MN1: variants seen among roughly 807,000 people sequenced by gnomAD.
MN1 encodes the protein transcriptional activator MN1.
In MN1, 19 loss-of-function variants were observed where a neutral mutation model predicts 86.9. That is an observed-to-expected ratio of 0.22 (90% CI 0.15 to 0.32). The LOEUF (loss-of-function observed/expected upper bound fraction) is 0.32, where lower values mean the gene tolerates loss of function less well. Ranked by LOEUF, MN1 falls within the 10% of genes least tolerant of loss-of-function variation. The probability of loss-of-function intolerance (pLI) is 1.00; values close to 1 mark genes in which losing one functional copy is unlikely to be tolerated. For missense variants in MN1, 1,841 were observed against 1,862.0 expected (o/e 0.99, Z 0.21); for synonymous variants, 928 against 849.6 (o/e 1.09, Z -1.60).
rs1040269791 is a variant in MN1 at position 27,750,601 on chromosome 22, C to T, written c.*314G>A. ...TCTAAAAAATGTATGCCAAGATTAC[C>T]GAAACATGGGGAGTATCTAGAGGAA... On this transcript the variant is annotated 3_prime_UTR_variant, in exon 2 of 2. Transcript: ENST00000302326. The T allele has an allele frequency of 5.6e-5, 15 of 269,188 alleles. No homozygotes were observed. Among genetic ancestry groups the T allele is most frequent in the East Asian group, 4.4e-4 (8 of 18,238 alleles). 16.7% of individuals were successfully genotyped at this position (269,188 alleles called of 1,614,324 possible). A position where few individuals can be genotyped will look rare whatever the true frequency, so the allele number is the denominator to read the frequency against.
At chr22:27,794,138 G>A (rs1223409195) in intron 1 of MN1, among the ~76,000 whole-genome samples, 4 of 152,022 alleles carry the variant, frequency 2.6e-5, no homozygotes, top group South Asian at 4.1e-4. Flanking sequence ...TCTCTATTTC[G>A]AAGTGGCACA....
rs1193636601 is a variant in MN1 at position 27,801,187 on chromosome 22, C to A, written c.-644G>T. The A allele has an allele frequency of 2.3e-5, 5 of 220,364 alleles. No homozygotes were observed. The East Asian group carries it at 3.2e-4, about 14-fold the overall frequency. 13.7% of individuals were successfully genotyped at this position (220,364 alleles called of 1,614,324 possible). A position where few individuals can be genotyped will look rare whatever the true frequency, so the allele number is the denominator to read the frequency against. On this transcript the variant is annotated 5_prime_UTR_variant, in exon 1 of 2. Coordinates refer to ENST00000302326, the MANE Select transcript of MN1 (RefSeq NM_002430.3). ...GGGCGAGCGGCTGCTGCTTCTTCAG[C>A]GGGTCGGAGGACTGGAGGCTCCGCT...
intron 1 of MN1, among the ~76,000 whole-genome samples, chr22:27,768,748 G>A (rs1315947396): frequency 1.3e-5 from 2 of 152,214 alleles, no homozygotes; most frequent in Non-Finnish European, 2.9e-5. Context: ...TGAGGCTGCA[G>A]TAGGCTATGA....
rs1053318760 is a variant in MN1, at chr22:27,758,685, C to T, written c.3782-7589G>A. Among the ~76,000 whole-genome samples the T allele has an allele frequency of 6.6e-5, 10 of 152,352 alleles. No individual in the cohort carries two copies. The East Asian group carries it at 1.4e-3, about 21-fold the overall frequency. ...CTTTCCCTCTCCGAGCCTCACCTTTCTTCTCTGTGAAATGGGAAGAAGATA... is the reference window on the plus strand; with the variant it reads ...CTTTCCCTCTCCGAGCCTCACCTTTTTTCTCTGTGAAATGGGAAGAAGATA... On this transcript the variant is annotated intron_variant, in intron 1 of 1. Transcript: ENST00000302326.
intron 1 of MN1, among the ~76,000 whole-genome samples, chr22:27,758,987 G>A (rs980171679): frequency 6.6e-6 from 1 of 152,172 alleles, no homozygotes; most frequent in South Asian, 2.1e-4. Context: ...CACCACGCCC[G>A]GCTAATTCTT....
At chr22:27,781,797 T>C (rs1451672497) in intron 1 of MN1, among the ~76,000 whole-genome samples, 2 of 152,182 alleles carry the variant, frequency 1.3e-5, no homozygotes, top group Non-Finnish European at 2.9e-5. Context: ...CCCAGGCTTG[T>C]CTGCCTCCTA....
Position 27,800,631 on chromosome 22 carries a change from G to A in MN1, c.-88C>T. 6.3e-7 allele frequency: 1 copy of A among 1,587,602 alleles called. No individual in the cohort carries two copies. Among genetic ancestry groups the A allele is most frequent in the Non-Finnish European group, 8.5e-7 (1 of 1,171,160 alleles). On this transcript the variant is annotated 5_prime_UTR_variant, in exon 1 of 2. Transcript: ENST00000302326. ...CGGCCAGCTACTCGTTCCAGCCCAG[G>A]ATTGGGCGCTCCGGGACGCTCAGCA...
At chr22:27,752,246 C>A (rs1357403127) in intron 1 of MN1, among the ~76,000 whole-genome samples, 3 of 152,154 alleles carry the variant, frequency 2.0e-5, no homozygotes, top group Admixed American at 6.5e-5. Context: ...GCTAGTCAAC[C>A]AGGCTGTTGA....
Position 27,788,001 on chromosome 22 carries a change from G to C in MN1, c.3781+8762C>G, listed in dbSNP as rs539899109. 3.3e-3 allele frequency among the ~76,000 whole-genome samples: 509 copies of C among 152,344 alleles called. 5 individuals are homozygous for C. The highest frequency in any genetic ancestry group is 0.012 in the African/African-American group (492 of 41,580). On this transcript the variant is annotated intron_variant, in intron 1 of 1. Coordinates refer to ENST00000302326, the MANE Select transcript of MN1 (RefSeq NM_002430.3). ...GCCCCGAGCCCCACAGGGAAAGCTTGGGCAAGAACCTTCTGTCCTTTGTGA... is the reference window on the plus strand; with the variant it reads ...GCCCCGAGCCCCACAGGGAAAGCTTCGGCAAGAACCTTCTGTCCTTTGTGA...
In MN1 at chr22:27,757,384, G is replaced by A. The variant is rs1004413345; in HGVS notation, c.3782-6288C>T. ...AGGCAGACAGAGCTAGAAGTGCCACGTGCCAGCGTTGTGCCATGGGGCAGT... is the reference window on the plus strand; with the variant it reads ...AGGCAGACAGAGCTAGAAGTGCCACATGCCAGCGTTGTGCCATGGGGCAGT... On this transcript the variant is annotated intron_variant, in intron 1 of 1. Transcript: ENST00000302326. Among the ~76,000 whole-genome samples the A allele has an allele frequency of 3.9e-5, 6 of 152,356 alleles. No individual in the cohort carries two copies. The South Asian group carries it at 8.3e-4, about 21-fold the overall frequency.
At chr22:27,767,292 G>A (rs1462802772) in intron 1 of MN1, among the ~76,000 whole-genome samples, 1 of 152,114 alleles carries the variant, frequency 6.6e-6, no homozygotes, top group Non-Finnish European at 1.5e-5. Flanking sequence ...GCTTTTCAAG[G>A]CTTCCTGGGT....
chr22:27,790,723 C>A (rs1325470485), intron 1 of MN1, among the ~76,000 whole-genome samples: 6 of 152,048 alleles, frequency 3.9e-5, no homozygotes, highest in Admixed American at 3.3e-4. Flanking sequence ...GGCACTGATT[C>A]AAAGATTCCT....
intron 1 of MN1, among the ~76,000 whole-genome samples, chr22:27,769,727 G>A (rs1476052789): frequency 6.7e-6 from 1 of 149,970 alleles, no homozygotes; most frequent in Non-Finnish European, 1.5e-5. Context: ...ATTTTTTTTT[G>A]GTATTTTTAG....
At chr22:27,781,759 C>G (rs1239920196) in intron 1 of MN1, among the ~76,000 whole-genome samples, 2 of 152,308 alleles carry the variant, frequency 1.3e-5, no homozygotes, top group East Asian at 3.9e-4. Flanking sequence ...AGTCACACAG[C>G]ACACGAGTGG....
chr22:27,798,490 C>T lies in MN1; in HGVS notation c.2054G>A (p.Arg685Lys), dbSNP rs758198222. ...LFRGPLQEPM[R>K]MPGEGHVPAL... is the part of the protein sequence containing the mutation. ...GGGCACGTGGCCCTCTCCGGGCATC[C>T]TCATCGGCTCCTGCAGAGGGCCCCG... is the stretch of plus-strand genomic sequence containing the variant. The change falls in exon 1 of 2, where the codon AGG (arginine) becomes AAG (lysine). Residue 685 changes from arginine (R) to lysine (K), a missense_variant. Coordinates refer to ENST00000302326, the MANE Select transcript of MN1 (RefSeq NM_002430.3). The T allele has an allele frequency of 5.8e-5, 90 of 1,554,374 alleles. 3 individuals are homozygous for T. In the South Asian group the frequency reaches 9.5e-4, roughly 16 times the overall value.
In MN1 at chr22:27,750,860, G is replaced by A; in HGVS notation, c.*55C>T. ...GGGTGGGGTAAGGTTGAGGGGGAAG[G>A]AAACAGACAGGGGGAGAGGAAGGGC... is the stretch of plus-strand genomic sequence containing the variant. On this transcript the variant is annotated 3_prime_UTR_variant, in exon 2 of 2. Coordinates refer to ENST00000302326, the MANE Select transcript of MN1 (RefSeq NM_002430.3). 1 of 1,464,402 alleles carries A rather than the reference G, an allele frequency of 6.8e-7. No homozygotes were observed. The highest frequency in any genetic ancestry group is 9.2e-7 in the Non-Finnish European group (1 of 1,082,290). 90.7% of individuals were successfully genotyped at this position (1,464,402 alleles called of 1,614,324 possible). A position where few individuals can be genotyped will look rare whatever the true frequency, so the allele number is the denominator to read the frequency against.
rs1290804900 is a variant in MN1 at position 27,799,615 on chromosome 22, T to C, written c.929A>G (p.His310Arg). ...QQQPQQQQQQ[H>R]GVFFERFSGA... ...ACTGAACCTCTCAAAGAACACACCATGCTGCTGCTGCTGCTGCTGGGGCTG... is the reference window on the plus strand; with the variant it reads ...ACTGAACCTCTCAAAGAACACACCACGCTGCTGCTGCTGCTGCTGGGGCTG... The change falls in exon 1 of 2, where the codon CAT becomes CGT. Residue 310 changes from histidine (H) to arginine (R), a missense_variant. Physicochemically the swap from His to Arg is conservative, Grantham distance 29. Transcript: ENST00000302326. 4 of 1,483,702 alleles carry C rather than the reference T, an allele frequency of 2.7e-6. No individual in the cohort carries two copies. Among genetic ancestry groups the C allele is most frequent in the Middle Eastern group, 1.8e-4 (1 of 5,528 alleles). The allele number at this position is 1,483,702 out of a possible 1,614,324, so 91.9% of individuals were successfully genotyped here.
At chr22:27,791,773 T>C (rs1933213838) in intron 1 of MN1, 1 of 152,214 alleles carries the variant, frequency 6.6e-6, no homozygotes, top group Non-Finnish European at 1.5e-5. Flanking sequence ...TCCTAAATGC[T>C]TTCGGCAAAG....
rs1472967439 is a variant in MN1, at chr22:27,798,732, C to T, written c.1812G>A (p.Glu604=). The T allele has an allele frequency of 1.3e-6, 2 of 1,535,982 alleles. No individual in the cohort carries two copies. Among genetic ancestry groups the T allele is most frequent in the Non-Finnish European group, 8.7e-7 (1 of 1,146,890 alleles). Residue 604 remains glutamate (E), a synonymous_variant, in exon 1 of 2, where the codon GAG becomes GAA. Coordinates refer to ENST00000302326, the MANE Select transcript of MN1 (RefSeq NM_002430.3). ...PVGGLAQPNF[E]REGGSTGAGR... is the part of the protein sequence containing the mutation. ...CGGCGCCCGTGCTGCCGCCTTCGCG[C>T]TCAAAGTTCGGCTGGGCCAAGCCGC...
Sources: gnomAD v4.1 joint callset for allele counts (sites outside exome capture counted in the v4.1 genomes callset) on GRCh38, gnomAD v4.1.1 for gene constraint, MANE v1.5 for transcripts, NCBI Gene and HGNC (gene_info 2026-07-23, HGNC 2026-07-21) for gene names.